CAMKMT: variants seen among roughly 807,000 people sequenced by gnomAD.
CAMKMT encodes calmodulin-lysine N-methyltransferase, also known as CaM KMT.
In CAMKMT, 53 loss-of-function variants were observed where a neutral mutation model predicts 48.0. The observed-to-expected ratio is 1.10, with a 90% CI of 0.89 to 1.39. The LOEUF (loss-of-function observed/expected upper bound fraction) is 1.39. CAMKMT is among the 40% of genes most tolerant of loss of function. The pLI is 0.00. For synonymous variants in CAMKMT, 165 were observed against 152.3 expected (o/e 1.08, Z -0.61); for missense variants, 428 against 402.7 (o/e 1.06, Z -0.54).
chr2:44,600,031 C>A (rs1480177858), intron 3 of CAMKMT, among the ~76,000 whole-genome samples: 1 of 151,998 alleles, frequency 6.6e-6, no homozygotes, highest in African/African-American at 2.4e-5. Flanking sequence ...CTCATTCTAA[C>A]CTATCTTTAC....
intron 9 of CAMKMT, 54 bp from the exon 10 acceptor site, chr2:44,766,376 T>C (rs187824925): frequency 5.7e-5 from 91 of 1,604,664 alleles, no homozygotes; most frequent in Admixed American, 4.7e-4. Flanking sequence ...ATGTCTGTTA[T>C]GTTTGGTTAC....
intron 3 of CAMKMT, among the ~76,000 whole-genome samples, chr2:44,658,113 G>C (rs191732771): frequency 1.3e-5 from 2 of 152,288 alleles, no homozygotes; most frequent in Admixed American, 1.3e-4. Flanking sequence ...TGTGGTCATT[G>C]AGCCTCCTGT....
At chr2:44,457,799 G>C (rs1289384633) in intron 3 of CAMKMT, among the ~76,000 whole-genome samples, 1 of 152,104 alleles carries the variant, frequency 6.6e-6, no homozygotes, top group Non-Finnish European at 1.5e-5. Context: ...CTCAATATTT[G>C]TTTTCTTCTT....
intron 7 of CAMKMT, among the ~76,000 whole-genome samples, chr2:44,728,237 G>T (rs1678894621): frequency 6.6e-6 from 1 of 152,060 alleles, no homozygotes; most frequent in African/African-American, 2.4e-5. Flanking sequence ...TTTTGTGTAT[G>T]TTGCGCCAGC....
chr2:44,732,208 C>T (rs1679113262), intron 7 of CAMKMT, among the ~76,000 whole-genome samples: 1 of 152,192 alleles, frequency 6.6e-6, no homozygotes, highest in African/African-American at 2.4e-5. Context: ...CCCACCTTGG[C>T]CTTTCAAAGT....
intron 3 of CAMKMT, among the ~76,000 whole-genome samples, chr2:44,633,625 T>C (rs1344621765): frequency 6.6e-6 from 1 of 152,162 alleles, no homozygotes; most frequent in Non-Finnish European, 1.5e-5. Context: ...TTTTGGTTTC[T>C]ATTTCTCTTT....
intron 3 of CAMKMT, among the ~76,000 whole-genome samples, chr2:44,674,894 A>C (rs537608204): frequency 6.6e-6 from 1 of 152,046 alleles, no homozygotes; most frequent in African/African-American, 2.4e-5. Context: ...GGAAAAAAAA[A>C]ACACACAAAC....
At chr2:44,741,975 CT>C (rs562574513) in intron 7 of CAMKMT, among the ~76,000 whole-genome samples, 2 of 151,300 alleles carry the variant, frequency 1.3e-5, no homozygotes, top group Non-Finnish European at 2.9e-5. Flanking sequence ...ATACTTTAAT[CT>C]TTTTTTTTCA....
At chr2:44,527,299 C>T (rs1230976465) in intron 3 of CAMKMT, among the ~76,000 whole-genome samples, 1 of 141,726 alleles carries the variant, frequency 7.1e-6, no homozygotes, top group Non-Finnish European at 1.5e-5. Flanking sequence ...ATATAATATA[C>T]ATATATTATT....
chr2:44,363,949 C>T (rs1223916934), intron 1 of CAMKMT, among the ~76,000 whole-genome samples: 1 of 151,652 alleles, frequency 6.6e-6, no homozygotes, highest in African/African-American at 2.4e-5. Flanking sequence ...CCTCGCCTCC[C>T]GAAGTGCTGG....
intron 1 of CAMKMT, among the ~76,000 whole-genome samples, chr2:44,371,660 A>G (rs780650056): frequency 2.6e-5 from 4 of 152,140 alleles, no homozygotes; most frequent in Non-Finnish European, 4.4e-5. Context: ...TAACTCATGA[A>G]CAGCTGTGTT....
chr2:44,489,932 A>G (rs13403127), intron 3 of CAMKMT, among the ~76,000 whole-genome samples: 82,270 of 151,892 alleles, frequency 0.54, 23,386 homozygotes, highest in Middle Eastern at 0.67. Context: ...GTATTATGCA[A>G]TATACCCATG....
chr2:44,740,009 G>GTA (rs1313397371), intron 7 of CAMKMT, among the ~76,000 whole-genome samples: 3 of 152,010 alleles, frequency 2.0e-5, no homozygotes, highest in Non-Finnish European at 4.4e-5. Context: ...GTAGATAGGA[G>GTA]TATAGATAGT....
chr2:44,388,078 C>T (rs968151014), intron 2 of CAMKMT, among the ~76,000 whole-genome samples: 16 of 152,098 alleles, frequency 1.1e-4, no homozygotes, highest in Non-Finnish European at 1.3e-4. Flanking sequence ...CTAGCAAGGC[C>T]GGGAAAATTT....
intron 3 of CAMKMT, among the ~76,000 whole-genome samples, chr2:44,485,065 CA>C (rs1669152602): frequency 6.6e-6 from 1 of 152,076 alleles, no homozygotes; most frequent in Admixed American, 6.5e-5. Context: ...CTGGCAAAAC[CA>C]AGTATTGATA....
At position 44,390,253 on chromosome 2, in the gene CAMKMT, A is replaced by G; in HGVS notation, c.324A>G (p.Gly108=). 6.2e-7 allele frequency: 1 copy of G among 1,609,004 alleles called. No individual in the cohort carries two copies. Among genetic ancestry groups the G allele is most frequent in the Non-Finnish European group, 8.5e-7 (1 of 1,178,094 alleles). ...EYSISLRHNS[G]SLNVEDVLTS... is the part of the protein sequence containing the mutation. ...TACTCCTTTCTAGGCATAATAGTGG[A>G]TCCTTGAATGTTGAAGATGTCCTTA... The change falls in exon 3 of 11, where the codon GGA becomes GGG. Residue 108 remains glycine, a synonymous_variant. Coordinates refer to ENST00000378494, the MANE Select transcript of CAMKMT (RefSeq NM_024766.5).
intron 1 of CAMKMT, among the ~76,000 whole-genome samples, chr2:44,365,224 A>G (rs1162760138): frequency 3.3e-5 from 5 of 152,154 alleles, no homozygotes; most frequent in Admixed American, 3.3e-4. Flanking sequence ...TTTTTCCTTT[A>G]AAATTCTGTC....
At chr2:44,691,346 G>A (rs759522138) in intron 3 of CAMKMT, among the ~76,000 whole-genome samples, 2 of 152,236 alleles carry the variant, frequency 1.3e-5, no homozygotes, top group Non-Finnish European at 2.9e-5. Flanking sequence ...GGGCCTCGGG[G>A]AACGTTGCCT....
chr2:44,642,212 G>A lies in CAMKMT; in HGVS notation c.377-62071G>A, dbSNP rs1673487342. On this transcript the variant is annotated intron_variant, in intron 3 of 10. Coordinates refer to ENST00000378494, the MANE Select transcript of CAMKMT (RefSeq NM_024766.5). ...TTGTTGGCTAAAAGTTATCTTGATT[G>A]CCAGTCTGAATAGTGCCATGGATGG... 1.3e-5 allele frequency among the ~76,000 whole-genome samples: 2 copies of A among 152,172 alleles called. 1 individual carries two copies. Among genetic ancestry groups the A allele is most frequent in the African/African-American group, 4.8e-5 (2 of 41,434 alleles).
Sources: allele counts gnomAD v4.1 joint callset (sites outside exome capture counted in the v4.1 genomes callset), GRCh38; gene constraint gnomAD v4.1.1; transcripts MANE v1.5; gene names NCBI Gene and HGNC (gene_info 2026-07-23, HGNC 2026-07-21).